The following AGMO variants were observed in gnomAD, a reference collection of about 807,000 sequenced individuals.
AGMO encodes the protein glyceryl-ether monooxygenase.
In AGMO, 75 loss-of-function variants were observed where a neutral mutation model predicts 60.2. The observed-to-expected ratio is 1.25, with a 90% CI of 1.03 to 1.51. AGMO has a LOEUF of 1.51. Among genes scored for constraint, AGMO ranks in the 40% most tolerant of loss-of-function variants. The pLI is 0.00. For missense variants in AGMO, 763 were observed against 525.5 expected (o/e 1.45, Z -4.42); for synonymous variants, 261 against 177.1 (o/e 1.47, Z -3.76).
At chr7:15,541,219 T>TTCAAGCAATTCTCCTGCC (rs939824074) in intron 3 of AGMO, among the ~76,000 whole-genome samples, 5 of 151,808 alleles carry the variant, frequency 3.3e-5, no homozygotes, top group Non-Finnish European at 5.9e-5. Context: ...GGCTCCCGGG[T>TTCAAGCAATTCTCCTGCC]TCAAGCAATT....
At chr7:15,322,593 A>T (rs867481925) in intron 12 of AGMO, among the ~76,000 whole-genome samples, 13 of 25,132 alleles carry the variant, frequency 5.2e-4, no homozygotes, top group African/African-American at 1.9e-3. Flanking sequence ...TAAATATATA[A>T]ATATATATAA....
chr7:15,253,013 G>A (rs1782985873), intron 12 of AGMO, among the ~76,000 whole-genome samples: 1 of 152,270 alleles, frequency 6.6e-6, no homozygotes, highest in Non-Finnish European at 1.5e-5. Context: ...CACTACACAA[G>A]AACAGATTCA....
rs11762768 is a variant in AGMO at position 15,337,688 on chromosome 7, C to G, written c.1263+27826G>C. 3.9e-3 allele frequency among the ~76,000 whole-genome samples: 588 copies of G among 152,236 alleles called. 2 individuals carry two copies. Among genetic ancestry groups the G allele is most frequent in the Non-Finnish European group, 5.2e-3 (354 of 68,020 alleles). ...CTAATGCTTGATAGGAATAGGTTCA[C>G]GAAATGCAAAGCAGCATCAGTCAAG... On this transcript the variant is annotated intron_variant, in intron 12 of 12. Coordinates refer to ENST00000342526, the MANE Select transcript of AGMO (RefSeq NM_001004320.2).
At chr7:15,371,790 G>C (rs901806087) in intron 10 of AGMO, among the ~76,000 whole-genome samples, 2 of 151,996 alleles carry the variant, frequency 1.3e-5, no homozygotes, top group African/African-American at 4.8e-5. Flanking sequence ...TCTGGCCTCA[G>C]CCTCCCAATG....
intron 12 of AGMO, among the ~76,000 whole-genome samples, chr7:15,281,960 G>A (rs1249797528): frequency 6.6e-6 from 1 of 152,010 alleles, no homozygotes; most frequent in Admixed American, 6.5e-5. Context: ...CTATAGCCTA[G>A]GAACCCATAC....
intron 12 of AGMO, among the ~76,000 whole-genome samples, chr7:15,350,481 T>C (rs1782200697): frequency 6.6e-6 from 1 of 152,148 alleles, no homozygotes; most frequent in Non-Finnish European, 1.5e-5. Context: ...GCAGTAATTC[T>C]CTGGTAGCTA....
At chr7:15,190,513 G>A in the AGMO span, among the ~76,000 whole-genome samples, 1 of 151,842 alleles carries the variant, frequency 6.6e-6, no homozygotes, top group African/African-American at 2.4e-5. Context: ...GCAGAGAAAG[G>A]ACAATAGGCA....
chr7:15,355,281 T>C (rs552310777), intron 12 of AGMO, among the ~76,000 whole-genome samples: 1 of 151,942 alleles, frequency 6.6e-6, no homozygotes, highest in East Asian at 1.9e-4. Context: ...GACGGGCGGA[T>C]CACAAGGTCA....
intron 3 of AGMO, among the ~76,000 whole-genome samples, chr7:15,458,649 T>A (rs1408661726): frequency 6.6e-6 from 1 of 152,210 alleles, no homozygotes; most frequent in East Asian, 1.9e-4. Flanking sequence ...TGGCTCTCTA[T>A]GGTTTGCAAA....
At chr7:15,383,900 G>T (rs553233050) in intron 10 of AGMO, among the ~76,000 whole-genome samples, 82 of 151,788 alleles carry the variant, frequency 5.4e-4, no homozygotes, top group African/African-American at 1.7e-3. Flanking sequence ...ATTGACTTTA[G>T]CACTGTGTAA....
chr7:15,439,158 G>C (rs1246911972), intron 3 of AGMO, among the ~76,000 whole-genome samples: 6 of 152,114 alleles, frequency 3.9e-5, no homozygotes, highest in African/African-American at 1.4e-4. Flanking sequence ...CAGCACTTTG[G>C]GAGGCCAAGG....
At position 15,375,014 on chromosome 7, in the gene AGMO, A is replaced by G. The variant is rs1405165228; in HGVS notation, c.1075-8792T>C. 2.0e-5 allele frequency among the ~76,000 whole-genome samples: 3 copies of G among 152,040 alleles called. No individual in the cohort carries two copies. In the East Asian group the frequency reaches 5.8e-4, roughly 29 times the overall value. ...ATACTCCTACCAGACAGACTGGAAAATCTCATGATTCACTGGACATTCACT... is the reference window on the plus strand; with the variant it reads ...ATACTCCTACCAGACAGACTGGAAAGTCTCATGATTCACTGGACATTCACT... On this transcript the variant is annotated intron_variant, in intron 10 of 12. Coordinates refer to ENST00000342526, the MANE Select transcript of AGMO (RefSeq NM_001004320.2).
At chr7:15,448,694 T>C (rs1184458460) in intron 3 of AGMO, among the ~76,000 whole-genome samples, 1 of 152,070 alleles carries the variant, frequency 6.6e-6, no homozygotes, top group African/African-American at 2.4e-5. Context: ...TAAATTTTGC[T>C]TTTGAATTAA....
At chr7:15,413,289 G>C (rs1167766386) in intron 5 of AGMO, among the ~76,000 whole-genome samples, 1 of 152,108 alleles carries the variant, frequency 6.6e-6, no homozygotes, top group Non-Finnish European at 1.5e-5. Flanking sequence ...ATTCAATCTG[G>C]ATACAAGAGA....
chr7:15,370,795 T>C (rs1783178684), intron 10 of AGMO, among the ~76,000 whole-genome samples: 1 of 152,322 alleles, frequency 6.6e-6, no homozygotes, highest in African/African-American at 2.4e-5. Context: ...ATTAGTCCTT[T>C]GTCAGATGGG....
chr7:15,356,920 C>G (rs929014979), intron 12 of AGMO, among the ~76,000 whole-genome samples: 1 of 120,366 alleles, frequency 8.3e-6, no homozygotes, highest in African/African-American at 3.2e-5. Context: ...CCAGCCTGGC[C>G]AACATGGCGA....
At chr7:15,497,612 G>C (rs943146648) in intron 3 of AGMO, among the ~76,000 whole-genome samples, 7 of 152,084 alleles carry the variant, frequency 4.6e-5, no homozygotes, top group African/African-American at 1.4e-4. Context: ...TTACAACACA[G>C]TGTGTGTGCA....
chr7:15,483,332 C>T, intron 3 of AGMO, among the ~76,000 whole-genome samples: 1 of 151,992 alleles, frequency 6.6e-6, no homozygotes, highest in East Asian at 1.9e-4. Flanking sequence ...CTTGGGAGGC[C>T]GAGGCGGGCG....
chr7:15,183,903 CA>C, the AGMO span, among the ~76,000 whole-genome samples: 10 of 152,248 alleles, frequency 6.6e-5, no homozygotes, highest in South Asian at 2.1e-3. Flanking sequence ...GTTTGTTAAA[CA>C]CATAAAATTT....
Sources: gnomAD v4.1 joint callset for allele counts (sites outside exome capture counted in the v4.1 genomes callset) on GRCh38, gnomAD v4.1.1 for gene constraint, MANE v1.5 for transcripts, NCBI Gene and HGNC (gene_info 2026-07-23, HGNC 2026-07-21) for gene names.